The following SCAND3 variants were observed in gnomAD, a reference collection of about 807,000 sequenced individuals.
SCAND3 encodes SCAN domain-containing protein 3.
the SCAND3 span, among the ~76,000 whole-genome samples, chr6:28,580,822 A>C: frequency 9.3e-6 from 1 of 107,822 alleles, no homozygotes; most frequent in Non-Finnish European, 1.8e-5. Context: ...GCACAAACAC[A>C]AATCTAGTCT....
chr6:28,570,571 C>T, the SCAND3 span: 1 of 152,124 alleles, frequency 6.6e-6, no homozygotes, highest in Admixed American at 6.5e-5. Flanking sequence ...ATGAACCTTT[C>T]CTCTACTTTC....
the SCAND3 span, chr6:28,573,563 G>GT: frequency 6.2e-7 from 1 of 1,613,198 alleles, no homozygotes; most frequent in East Asian, 2.2e-5. Flanking sequence ...TGTCGCTTAA[G>GT]TTTTGATGGT....
chr6:28,581,019 A>T, the SCAND3 span, among the ~76,000 whole-genome samples: 1 of 152,078 alleles, frequency 6.6e-6, no homozygotes. Flanking sequence ...TTCAGTATTC[A>T]ATTCCTGGGT....
At chr6:28,586,604 T>C in the SCAND3 span, 1 of 1,614,200 alleles carries the variant, frequency 6.2e-7, no homozygotes, top group Non-Finnish European at 8.5e-7. This position sits in a 1 kb window ranked among gnomAD's most constrained non-coding sequence, Gnocchi z 4.4. Context: ...TACGTAGGGC[T>C]GATTCCTGAT....
At chr6:28,610,548 GGGAAGGAA>G in the SCAND3 span, among the ~76,000 whole-genome samples, 1 of 151,758 alleles carries the variant, frequency 6.6e-6, no homozygotes, top group African/African-American at 2.4e-5. Flanking sequence ...GAGAGATGGA[GGGAAGGAA>G]GGAAGGAAGG....
chr6:28,573,509 ATTC>A, the SCAND3 span: 4 of 1,613,804 alleles, frequency 2.5e-6, no homozygotes, highest in Non-Finnish European at 2.5e-6. Flanking sequence ...CTTTCAAAGA[ATTC>A]TTTTGGTTGT....
chr6:28,602,956 A>ATTTTTTT, the SCAND3 span, among the ~76,000 whole-genome samples: 7 of 94,458 alleles, frequency 7.4e-5, no homozygotes, highest in Admixed American at 1.3e-4. Flanking sequence ...CCAAAAAAAA[A>ATTTTTTT]TTTTTTTTTT....
At chr6:28,612,852 C>T in the SCAND3 span, among the ~76,000 whole-genome samples, 13,677 of 152,160 alleles carry the variant, frequency 0.09, 1,512 homozygotes, top group African/African-American at 0.26. Flanking sequence ...CTCCTCTCCA[C>T]CACAAACTCA....
the SCAND3 span, among the ~76,000 whole-genome samples, chr6:28,596,528 A>G: frequency 3.5e-4 from 53 of 152,234 alleles, no homozygotes; most frequent in South Asian, 6.6e-3. Flanking sequence ...ATAATTATGG[A>G]TGGGTGCAAG....
chr6:28,612,096 G>C, the SCAND3 span, among the ~76,000 whole-genome samples: 1 of 151,892 alleles, frequency 6.6e-6, no homozygotes, highest in Non-Finnish European at 1.5e-5. Flanking sequence ...GAGTGCAGTG[G>C]CGCGATCTCA....
the SCAND3 span, chr6:28,594,320 T>C: frequency 6.6e-6 from 1 of 152,184 alleles, no homozygotes; most frequent in Non-Finnish European, 1.5e-5. Context: ...AGCCAAGACA[T>C]GGAATCAACC....
At chr6:28,588,280 T>A in the SCAND3 span, among the ~76,000 whole-genome samples, 1 of 152,214 alleles carries the variant, frequency 6.6e-6, no homozygotes, top group African/African-American at 2.4e-5. The surrounding 1 kb of genome is among the most constrained non-coding windows in gnomAD (Gnocchi z 4.1). Flanking sequence ...CCCCCCTAAC[T>A]ATCCTTTGCA....
the SCAND3 span, among the ~76,000 whole-genome samples, chr6:28,607,189 G>C: frequency 6.6e-6 from 1 of 152,118 alleles, no homozygotes; most frequent in African/African-American, 2.4e-5. Context: ...CGCGTGCTTA[G>C]CATGTACGAG....
the SCAND3 span, chr6:28,571,276 T>C: frequency 6.6e-6 from 1 of 152,262 alleles, no homozygotes; most frequent in African/African-American, 2.4e-5. Context: ...ATTGCACCAA[T>C]GCACTCCAGC....
the SCAND3 span, chr6:28,593,670 C>T: frequency 6.6e-6 from 1 of 151,952 alleles, no homozygotes; most frequent in Admixed American, 6.6e-5. Context: ...AACGAGACTT[C>T]GTCTCAAAAA....
the SCAND3 span, among the ~76,000 whole-genome samples, chr6:28,608,172 T>C: frequency 3.3e-5 from 5 of 152,218 alleles, no homozygotes; most frequent in East Asian, 7.7e-4. Flanking sequence ...GATATGCTAT[T>C]TGAGCACAAA....
At chr6:28,607,717 A>G in the SCAND3 span, among the ~76,000 whole-genome samples, 7 of 152,130 alleles carry the variant, frequency 4.6e-5, no homozygotes, top group African/African-American at 1.7e-4. Flanking sequence ...TACATGAAGG[A>G]CAATAAAATG....
the SCAND3 span, among the ~76,000 whole-genome samples, chr6:28,611,392 T>G: frequency 6.6e-6 from 1 of 152,246 alleles, no homozygotes; most frequent in Non-Finnish European, 1.5e-5. Flanking sequence ...CAGGTGGCTA[T>G]GTCCAGCTCC....
At chr6:28,600,118 G>GA in the SCAND3 span, among the ~76,000 whole-genome samples, 10 of 148,228 alleles carry the variant, frequency 6.7e-5, no homozygotes, top group Non-Finnish European at 8.9e-5. Flanking sequence ...AAAACATCTG[G>GA]AAAAAAAAAT....
Sources: gnomAD v4.1 joint callset for allele counts (sites outside exome capture counted in the v4.1 genomes callset) on GRCh38, gnomAD v4.1.1 for gene constraint, Gnocchi (gnomAD v3.1) non-coding constraint, MANE v1.5 for transcripts, NCBI Gene and HGNC (gene_info 2026-07-23, HGNC 2026-07-21) for gene names.